Variants in TTYH2 observed in about 807,000 individuals in gnomAD.
The protein encoded by TTYH2 is protein tweety homolog 2.
In TTYH2, 49 loss-of-function variants were observed where a neutral mutation model predicts 68.3. The ratio of observed to expected loss-of-function variants is 0.72; its 90% CI spans 0.57 to 0.91. TTYH2 has a LOEUF of 0.91. TTYH2 is among the 40% of genes least tolerant of loss of function. TTYH2 has a pLI of 0.00. For missense variants in TTYH2, 631 were observed against 700.4 expected (o/e 0.90, Z 1.12); for synonymous variants, 272 against 300.8 (o/e 0.90, Z 0.99).
chr17:74,258,627 G>A (rs1000346081), intron 13 of TTYH2, among the ~76,000 whole-genome samples: 3 of 151,902 alleles, frequency 2.0e-5, no homozygotes, highest in Non-Finnish European at 4.4e-5. Context: ...TGGAAACCAC[G>A]CTTGGAGAAC....
rs552276018 is a variant in TTYH2, at chr17:74,259,540, A to T, written c.1525-589A>T. 3.3e-5 allele frequency among the ~76,000 whole-genome samples: 5 copies of T among 152,256 alleles called. 1 individual carries two copies. In the South Asian group the frequency reaches 1.0e-3, roughly 32 times the overall value. Reference sequence around the variant, plus strand: ...GCATTTTGCATCAACAAAAATATACATATTTATATACTAGTGGATGTGGCC... The same window carrying T: ...GCATTTTGCATCAACAAAAATATACTTATTTATATACTAGTGGATGTGGCC... On this transcript the variant is annotated intron_variant, in intron 13 of 13. Coordinates refer to ENST00000269346, the MANE Select transcript of TTYH2 (RefSeq NM_032646.6).
At chr17:74,229,868 C>T (rs574155603) in intron 2 of TTYH2, among the ~76,000 whole-genome samples, 4 of 152,288 alleles carry the variant, frequency 2.6e-5, no homozygotes, top group South Asian at 4.2e-4. Context: ...CAGTGGCTCA[C>T]GCCTGTAATC....
intron 2 of TTYH2, among the ~76,000 whole-genome samples, chr17:74,226,514 C>T (rs892725065): frequency 7.2e-5 from 11 of 152,080 alleles, no homozygotes; most frequent in African/African-American, 2.7e-4. Context: ...GGAGCTGCGT[C>T]CACTGGGACA....
In TTYH2 at chr17:74,249,954, C is replaced by T. The variant is rs758752057; in HGVS notation, c.949C>T (p.Arg317Cys). 25 of 1,613,936 alleles carry T rather than the reference C, an allele frequency of 1.5e-5. No homozygotes were observed. Among genetic ancestry groups the T allele is most frequent in the South Asian group, 7.7e-5 (7 of 91,078 alleles). Residue 317 changes from arginine to cysteine, a missense_variant, in exon 9 of 14, where the codon CGC becomes TGC. Physicochemically the swap from Arg to Cys is radical, Grantham distance 180. Coordinates refer to ENST00000269346, the MANE Select transcript of TTYH2 (RefSeq NM_032646.6). ...GGCTCAGACCCTGACCACCTTCCAG[C>T]GCGCACTTACCACCATGCAGATCCA... ...PFQQTLTTFQ[R>C]ALTTMQIQVA... is the part of the protein sequence containing the mutation.
chr17:74,227,749 G>GTT (rs61337166), intron 2 of TTYH2, among the ~76,000 whole-genome samples: 6 of 133,344 alleles, frequency 4.5e-5, no homozygotes, highest in East Asian at 2.1e-4. Flanking sequence ...CAGGAACCTT[G>GTT]TTTTTTTTTT....
Position 74,261,957 on chromosome 17 carries a change from G to A in TTYH2, c.*1748G>A, listed in dbSNP as rs529630602. On this transcript the variant is annotated 3_prime_UTR_variant, in exon 14 of 14. Coordinates refer to ENST00000269346, the MANE Select transcript of TTYH2 (RefSeq NM_032646.6). ...GGGGAGTTCCTGAAGGAACCAGGTG[G>A]GCAAACCTTTGCTTATATACATGCG... 1 of 152,680 alleles carries A rather than the reference G, an allele frequency of 6.5e-6. No homozygotes were observed. The highest frequency in any genetic ancestry group is 2.1e-4 in the South Asian group (1 of 4,834). 9.5% of individuals were successfully genotyped at this position (152,680 alleles called of 1,614,324 possible). A position where few individuals can be genotyped will look rare whatever the true frequency, so the allele number is the denominator to read the frequency against.
intron 2 of TTYH2, among the ~76,000 whole-genome samples, chr17:74,226,005 G>A (rs2050326104): frequency 6.6e-6 from 1 of 152,246 alleles, no homozygotes; most frequent in Non-Finnish European, 1.5e-5. Flanking sequence ...AGGGAGGTTT[G>A]GGGAGGAGCT....
intron 1 of TTYH2, among the ~76,000 whole-genome samples, chr17:74,216,270 A>G (rs1044504097): frequency 1.3e-5 from 2 of 152,146 alleles, no homozygotes; most frequent in African/African-American, 4.8e-5. Flanking sequence ...GCCTGCAGAA[A>G]GGGCTTCAGC....
intron 1 of TTYH2, among the ~76,000 whole-genome samples, chr17:74,219,778 A>G (rs908610597): frequency 6.6e-6 from 1 of 152,098 alleles, no homozygotes; most frequent in African/African-American, 2.4e-5. Context: ...ATAGTATTCT[A>G]AGACTATAAC....
intron 2 of TTYH2, among the ~76,000 whole-genome samples, chr17:74,223,147 T>C (rs187729774): frequency 1.7e-4 from 26 of 152,226 alleles, no homozygotes; most frequent in Admixed American, 6.5e-4. Context: ...CTCACTCTGT[T>C]ACCCAGGCTA....
intron 6 of TTYH2, chr17:74,248,724 C>T: frequency 7.4e-7 from 1 of 1,343,196 alleles, no homozygotes; most frequent in East Asian, 2.9e-5. Flanking sequence ...ATGCGCTCTG[C>T]CCCAGTCACT....
chr17:74,231,538 A>G (rs527519620), intron 3 of TTYH2, among the ~76,000 whole-genome samples: 2 of 152,240 alleles, frequency 1.3e-5, no homozygotes, highest in African/African-American at 4.8e-5. Context: ...AAATACAAAA[A>G]TTAGCCAGTT....
chr17:74,253,864 G>C, intron 13 of TTYH2, 31 bp downstream of exon 13: 1 of 1,610,452 alleles, frequency 6.2e-7, no homozygotes, highest in Non-Finnish European at 8.5e-7. Context: ...TCCTTGTTGG[G>C]GTAATACATA....
At chr17:74,219,852 T>C (rs2050258548) in intron 1 of TTYH2, among the ~76,000 whole-genome samples, 1 of 152,206 alleles carries the variant, frequency 6.6e-6, no homozygotes, top group Admixed American at 6.5e-5. Flanking sequence ...AGGCTGTGAC[T>C]GCTGTGTGAA....
rs1019482355 is a variant in TTYH2 at position 74,222,946 on chromosome 17, C to T, written c.302+289C>T. On this transcript the variant is annotated intron_variant, in intron 2 of 13. Transcript: ENST00000269346. This position sits in a 1 kb window ranked among gnomAD's most constrained non-coding sequence, Gnocchi z 5.2. The stretch of plus-strand genomic sequence containing the variant: ...GCAGCATTTCTGCACCGACACTGGG[C>T]ATCTCCAGTCTCTGTCCCTGGCCCC... Among the ~76,000 whole-genome samples, 10 of 152,100 alleles carry T rather than the reference C, an allele frequency of 6.6e-5. No homozygotes were observed. Among genetic ancestry groups the T allele is most frequent in the African/African-American group, 2.2e-4 (9 of 41,392 alleles).
Position 74,222,688 on chromosome 17 carries a change from G to A in TTYH2, c.302+31G>A, listed in dbSNP as rs752416838. 5 of 1,582,196 alleles carry A rather than the reference G, an allele frequency of 3.2e-6. No individual in the cohort carries two copies. Among genetic ancestry groups the A allele is most frequent in the South Asian group, 1.1e-5 (1 of 88,242 alleles). Reference sequence around the variant, plus strand: ...TGTCCCTGGACGCTGGGCTTGGGGTGTGTGACTCAGTCTGCAAGGGGCCAG... The same window carrying A: ...TGTCCCTGGACGCTGGGCTTGGGGTATGTGACTCAGTCTGCAAGGGGCCAG... On this transcript the variant is annotated intron_variant, in intron 2 of 13. Coordinates refer to ENST00000269346, the MANE Select transcript of TTYH2 (RefSeq NM_032646.6). This position sits in a 1 kb window ranked among gnomAD's most constrained non-coding sequence, Gnocchi z 5.2.
intron 4 of TTYH2, among the ~76,000 whole-genome samples, chr17:74,238,762 G>A (rs1183922269): frequency 6.6e-6 from 1 of 151,894 alleles, no homozygotes; most frequent in East Asian, 1.9e-4. Flanking sequence ...AGCTACTTGG[G>A]AGGCTGAGGC....
intron 6 of TTYH2, among the ~76,000 whole-genome samples, chr17:74,245,691 ATGGGCTT>A (rs998443033): frequency 7.2e-5 from 11 of 152,216 alleles, no homozygotes; most frequent in Admixed American, 4.6e-4. Context: ...GTGGAGCTGA[ATGGGCTT>A]TTGACGGGCT....
chr17:74,240,543 T>C (rs570299202), intron 4 of TTYH2, among the ~76,000 whole-genome samples: 1 of 152,226 alleles, frequency 6.6e-6, no homozygotes, highest in South Asian at 2.1e-4. Context: ...ATCTGTGGCT[T>C]CTCCTCTCAC....
Sources: allele counts gnomAD v4.1 joint callset (sites outside exome capture counted in the v4.1 genomes callset), GRCh38; gene constraint gnomAD v4.1.1; non-coding constraint Gnocchi (gnomAD v3.1); transcripts MANE v1.5; gene names NCBI Gene and HGNC (gene_info 2026-07-23, HGNC 2026-07-21).